TTBK1: variants seen among roughly 807,000 people sequenced by gnomAD.
TTBK1 encodes tau tubulin kinase 1.
TTBK1 carries 34 observed loss-of-function variants against 108.5 expected under a neutral mutation model. The ratio of observed to expected loss-of-function variants is 0.31; its 90% CI spans 0.24 to 0.42. The LOEUF is 0.42. Among genes scored for constraint, TTBK1 ranks in the 10% least tolerant of loss-of-function variants. The pLI, the probability that TTBK1 is intolerant of heterozygous loss-of-function variation, is 1.00. For missense variants in TTBK1, 1,539 were observed against 1,826.0 expected, an observed-to-expected ratio of 0.84 and a Z score of 2.86; for synonymous variants, 809 against 795.1, an observed-to-expected ratio of 1.02 and a Z score of -0.29.
intron 12 of TTBK1, among the ~76,000 whole-genome samples, chr6:43,260,261 A>G (rs1266359200): frequency 6.6e-6 from 1 of 152,060 alleles, no homozygotes; most frequent in Non-Finnish European, 1.5e-5. Context: ...GGGTGGGAGA[A>G]TGGTCTGTTG....
At chr6:43,252,182 CTGTGTGTGTGTGTGTGTGTGTGTG>C (rs58985204) in intron 2 of TTBK1, among the ~76,000 whole-genome samples, 1 of 140,014 alleles carries the variant, frequency 7.1e-6, no homozygotes, top group African/African-American at 2.7e-5. Flanking sequence ...ACATCTGGCT[CTGTGTGTGTGTGTGTGTGTGTGTG>C]TGTGTGTGTG....
In TTBK1 at chr6:43,244,000, T is replaced by C. The variant is rs1461612739; in HGVS notation, c.-55+292T>C. Among the ~76,000 whole-genome samples, 1 of 152,020 alleles carries C rather than the reference T, an allele frequency of 6.6e-6. No individual in the cohort carries two copies. The highest frequency in any genetic ancestry group is 2.4e-5 in the African/African-American group (1 of 41,390). On this transcript the variant is annotated intron_variant, in intron 1 of 14. Transcript: ENST00000259750. This position sits in a 1 kb window ranked among gnomAD's most constrained non-coding sequence, Gnocchi z 5.5. The stretch of plus-strand genomic sequence containing the variant: ...GGCTTCACCCCTGGCTCTCCTGTCA[T>C]CCCTGACGAATCATTCGGCTGTCTC...
chr6:43,253,473 A>G lies in TTBK1; in HGVS notation c.331-95A>G. 1.3e-6 allele frequency: 2 copies of G among 1,594,692 alleles called. No homozygotes were observed. The highest frequency in any genetic ancestry group is 2.2e-5 in the South Asian group (2 of 89,382). ...GGCCCTGGGAAAGGGCAGTGGGCAC[A>G]ACCCTTTGGGGTGAGGCTGGGAAGA... On this transcript the variant is annotated intron_variant, in intron 4 of 14. Coordinates refer to ENST00000259750, the MANE Select transcript of TTBK1 (RefSeq NM_032538.3). The surrounding 1 kb of genome is among the most constrained non-coding windows in gnomAD (Gnocchi z 5.8).
rs1373981430 is a variant in TTBK1, at chr6:43,257,994, C to A, written c.1016+28C>A. ...GAGTCTCAGGAAGGCGAGCCACCAG[C>A]CCCTGCCTGGAGCTGTTACCTAAGA... On this transcript the variant is annotated intron_variant, in intron 10 of 14. Coordinates refer to ENST00000259750, the MANE Select transcript of TTBK1 (RefSeq NM_032538.3). The surrounding 1 kb of genome is among the most constrained non-coding windows in gnomAD (Gnocchi z 4.5). 6.2e-7 allele frequency: 1 copy of A among 1,603,568 alleles called. No individual in the cohort carries two copies. The highest frequency in any genetic ancestry group is 1.3e-5 in the African/African-American group (1 of 74,804).
chr6:43,284,236 ATGCCTGT>A lies in TTBK1; in HGVS notation c.3500_3506del (p.Pro1167GlnfsTer214). 6.3e-7 allele frequency: 1 copy of A among 1,596,706 alleles called. No individual in the cohort carries two copies. Among genetic ancestry groups the A allele is most frequent in the Non-Finnish European group, 8.5e-7 (1 of 1,178,508 alleles). On this transcript the variant is annotated frameshift_variant, in exon 14 of 15. Coordinates refer to ENST00000259750, the MANE Select transcript of TTBK1 (RefSeq NM_032538.3). LOFTEE classifies it high-confidence loss of function. Reference sequence around the variant, plus strand: ...CCGCCCCATTGGCCTCCGCATGCCCATGCCTGTTGCAGCCCAGCAGCCCGCCAGCAGA... The same window carrying A: ...CCGCCCCATTGGCCTCCGCATGCCCATGCAGCCCAGCAGCCCGCCAGCAGA...
At chr6:43,264,059 G>A (rs1241478010) in intron 13 of TTBK1, among the ~76,000 whole-genome samples, 1 of 152,130 alleles carries the variant, frequency 6.6e-6, no homozygotes, top group Non-Finnish European at 1.5e-5. Flanking sequence ...GCCCTGAGTG[G>A]TTTTGAAGGG....
chr6:43,283,511 C>T lies in TTBK1; in HGVS notation c.2771C>T (p.Thr924Ile). The T allele has an allele frequency of 3.7e-6, 6 of 1,614,158 alleles. No individual in the cohort carries two copies. The highest frequency in any genetic ancestry group is 5.1e-6 in the Non-Finnish European group (6 of 1,179,994). ...GTGGCAGTCACCTCCTCACCCTTCACCAAAGTTGAGAGGACCTTTGTGCAC... is the reference window on the plus strand; with the variant it reads ...GTGGCAGTCACCTCCTCACCCTTCATCAAAGTTGAGAGGACCTTTGTGCAC... ...GGVAVTSSPF[T>I]KVERTFVHIA... is the part of the protein sequence containing the mutation. The change falls in exon 14 of 15, where the codon ACC becomes ATC. Residue 924 changes from threonine (T) to isoleucine (I), a missense_variant. Transcript: ENST00000259750. The surrounding 1 kb of genome is among the most constrained non-coding windows in gnomAD (Gnocchi z 8.1).
At chr6:43,281,004 A>G (rs1280243041) in intron 13 of TTBK1, among the ~76,000 whole-genome samples, 1 of 152,114 alleles carries the variant, frequency 6.6e-6, no homozygotes, top group Non-Finnish European at 1.5e-5. Context: ...GGGTGTTGCA[A>G]TAAGTGAGAC....
intron 13 of TTBK1, among the ~76,000 whole-genome samples, chr6:43,264,880 C>T (rs1019484789): frequency 1.3e-5 from 2 of 151,778 alleles, no homozygotes; most frequent in Non-Finnish European, 2.9e-5. Flanking sequence ...CCCAGTCTGG[C>T]TGCAATGGCA....
intron 13 of TTBK1, among the ~76,000 whole-genome samples, chr6:43,266,296 C>G (rs1281063959): frequency 1.3e-5 from 2 of 152,222 alleles, no homozygotes; most frequent in Admixed American, 6.5e-5. Context: ...TGCAGCAGGT[C>G]TGCAAGTGTG....
In TTBK1 at chr6:43,270,683, G is replaced by T. The variant is rs1427860241; in HGVS notation, c.1986+7333G>T. ...TGTGCCATCACTCCCTGGTAGGATTGGGTGTCTGTCCTCGGCTCCTCAGGA... is the reference window on the plus strand; with the variant it reads ...TGTGCCATCACTCCCTGGTAGGATTTGGTGTCTGTCCTCGGCTCCTCAGGA... On this transcript the variant is annotated intron_variant, in intron 13 of 14. Transcript: ENST00000259750. 5 of 985,282 alleles carry T rather than the reference G, an allele frequency of 5.1e-6. No individual in the cohort carries two copies. The East Asian group carries it at 4.5e-4, about 89-fold the overall frequency. The allele number at this position is 985,282 out of a possible 1,614,324, so 61.0% of individuals were successfully genotyped here.
At position 43,262,558 on chromosome 6, in the gene TTBK1, TTGAA is replaced by T. The variant is rs540275486; in HGVS notation, c.1425-210_1425-207del. Among the ~76,000 whole-genome samples the T allele has an allele frequency of 2.8e-3, 420 of 152,272 alleles. 3 individuals carry two copies. The highest frequency in any genetic ancestry group is 9.4e-3 in the African/African-American group (391 of 41,552). ...CACGGTAAGCATTCAAAAACATTTG[TTGAA>T]TGAATGAATGAATGAATGAACGAAC... On this transcript the variant is annotated intron_variant, in intron 12 of 14. Coordinates refer to ENST00000259750, the MANE Select transcript of TTBK1 (RefSeq NM_032538.3).
chr6:43,279,169 T>C (rs757176817), intron 13 of TTBK1, among the ~76,000 whole-genome samples: 5 of 152,004 alleles, frequency 3.3e-5, no homozygotes, highest in East Asian at 1.9e-4. Context: ...TCCCAGGTAA[T>C]AGGAGGGGAG....
chr6:43,269,707 C>T lies in TTBK1; in HGVS notation c.1986+6357C>T. On this transcript the variant is annotated intron_variant, in intron 13 of 14. Transcript: ENST00000259750. This position sits in a 1 kb window ranked among gnomAD's most constrained non-coding sequence, Gnocchi z 4.8. The stretch of plus-strand genomic sequence containing the variant: ...TACAGCCCCCTGCGACGACTGGCGT[C>T]CTCCGTGTTCTCCTCCTCCACGCTG... The T allele has an allele frequency of 6.2e-7, 1 of 1,610,596 alleles. No individual in the cohort carries two copies. The highest frequency in any genetic ancestry group is 8.5e-7 in the Non-Finnish European group (1 of 1,179,544).
In TTBK1 at chr6:43,253,672, C is replaced by A; in HGVS notation, c.435C>A (p.Ile145=). ...AGATCTTGGAGTCCATCGAGGCCATCCACTCTGTGGGCTTCCTGCACCGTG... is the reference window on the plus strand; with the variant it reads ...AGATCTTGGAGTCCATCGAGGCCATACACTCTGTGGGCTTCCTGCACCGTG... ...GKQILESIEA[I]HSVGFLHRDI... Residue 145 remains isoleucine, a synonymous_variant, in exon 5 of 15, where the codon ATC becomes ATA. Transcript: ENST00000259750. The surrounding 1 kb of genome is among the most constrained non-coding windows in gnomAD (Gnocchi z 5.8). 1 of 1,613,570 alleles carries A rather than the reference C, an allele frequency of 6.2e-7. No homozygotes were observed. The highest frequency in any genetic ancestry group is 8.5e-7 in the Non-Finnish European group (1 of 1,179,848).
rs1374990385 is a variant in TTBK1, at chr6:43,261,831, A to G, written c.1425-958A>G. The stretch of plus-strand genomic sequence containing the variant: ...CTCAAAAAAAAAAAAAAAAAAAAAG[A>G]TAACGACAGAAGAGATGTCCCAAGG... On this transcript the variant is annotated intron_variant, in intron 12 of 14. Transcript: ENST00000259750. Among the ~76,000 whole-genome samples the G allele has an allele frequency of 5.4e-5, 8 of 147,022 alleles. No homozygotes were observed. The East Asian group carries it at 1.0e-3, about 19-fold the overall frequency.
rs1328035433 is a variant in TTBK1, at chr6:43,262,836, C to T, written c.1472C>T (p.Ser491Phe). 1 of 1,601,108 alleles carries T rather than the reference C, an allele frequency of 6.2e-7. No homozygotes were observed. Among genetic ancestry groups the T allele is most frequent in the South Asian group, 1.1e-5 (1 of 90,136 alleles). Residue 491 changes from serine (S) to phenylalanine (F), a missense_variant, in exon 13 of 15, where the codon TCT becomes TTT. By Grantham distance (155) the Ser-to-Phe change is radical. Transcript: ENST00000259750. ...TCGCCCTCGCGCCAGGCCTGCTCCT[C>T]TCAGCCAGCCCAGATGCTGTCAGTG... ...PGSPSRQACS[S>F]QPAQMLSVDT... is the part of the protein sequence containing the mutation.
Position 43,286,006 on chromosome 6 carries a change from G to T in TTBK1, c.*630G>T. On this transcript the variant is annotated 3_prime_UTR_variant, in exon 15 of 15. Transcript: ENST00000259750. This position sits in a 1 kb window ranked among gnomAD's most constrained non-coding sequence, Gnocchi z 4.6. ...ACATCGGTCTACTCAGGTGTGAGGG[G>T]GCAGGTCTGACCTGCCCCAAAGTTG... The T allele has an allele frequency of 6.5e-6, 1 of 152,760 alleles. No individual in the cohort carries two copies. Among genetic ancestry groups the T allele is most frequent in the Non-Finnish European group, 1.5e-5 (1 of 68,104 alleles). The allele number at this position is 152,760 out of a possible 1,614,324, so 9.5% of individuals were successfully genotyped here.
chr6:43,253,548 C>G lies in TTBK1; in HGVS notation c.331-20C>G, dbSNP rs1322054632. ...TGATGGCTGAGGGTGAGTCTACCCC[C>G]CACCTCCACCCCCATGCAGGGCCGG... On this transcript the variant is annotated intron_variant, in intron 4 of 14. Coordinates refer to ENST00000259750, the MANE Select transcript of TTBK1 (RefSeq NM_032538.3). The surrounding 1 kb of genome is among the most constrained non-coding windows in gnomAD (Gnocchi z 5.8). The G allele has an allele frequency of 1.9e-6, 3 of 1,596,280 alleles. No homozygotes were observed. In the Admixed American group the frequency reaches 5.1e-5, roughly 27 times the overall value.
Sources: allele counts gnomAD v4.1 joint callset (sites outside exome capture counted in the v4.1 genomes callset), GRCh38; gene constraint gnomAD v4.1.1; non-coding constraint Gnocchi (gnomAD v3.1); transcripts MANE v1.5; gene names NCBI Gene and HGNC (gene_info 2026-07-23, HGNC 2026-07-21).